GALNT13: variants seen among roughly 807,000 people sequenced by gnomAD.
GALNT13 encodes UDP-GalNAc:polypeptide N-acetylgalactosaminyltransferase 13.
In GALNT13, 28 loss-of-function variants were observed where a neutral mutation model predicts 64.2. That is an observed-to-expected ratio of 0.44 (90% CI 0.32 to 0.60). The LOEUF (loss-of-function observed/expected upper bound fraction) is 0.60, where lower values mean the gene tolerates loss of function less well. Ranked by LOEUF, GALNT13 falls within the 20% of genes least tolerant of loss-of-function variation. GALNT13 has a pLI of 0.05. For missense variants in GALNT13, 577 were observed against 669.8 expected, an observed-to-expected ratio of 0.86 and a Z score of 1.53; for synonymous variants, 214 against 224.6, an observed-to-expected ratio of 0.95 and a Z score of 0.42.
intron 2 of GALNT13, among the ~76,000 whole-genome samples, chr2:153,935,141 T>C (rs1291457785): frequency 2.0e-5 from 3 of 152,220 alleles, no homozygotes; most frequent in Non-Finnish European, 4.4e-5. Flanking sequence ...GGTCCGGGAC[T>C]CAGTCACTGT....
the GALNT13 span, among the ~76,000 whole-genome samples, chr2:153,646,725 G>A: frequency 1.1e-4 from 17 of 151,622 alleles, no homozygotes; most frequent in Admixed American, 3.9e-4. Flanking sequence ...TGGTTTTTTC[G>A]TCCTTGCGAT....
chr2:154,111,421 C>T (rs556417709), intron 3 of GALNT13, among the ~76,000 whole-genome samples: 7 of 152,230 alleles, frequency 4.6e-5, no homozygotes, highest in South Asian at 4.1e-4. Flanking sequence ...CTTGATAGTC[C>T]GGGTCAATCA....
intron 4 of GALNT13, among the ~76,000 whole-genome samples, chr2:154,208,057 TGTTATCAATTTTTCATAA>T (rs1442408773): frequency 1.3e-5 from 2 of 152,182 alleles, no homozygotes; most frequent in Non-Finnish European, 2.9e-5. Context: ...CTAAGAAGGA[TGTTATCAATTTTTCATAA>T]GTTCCAGTTA....
At chr2:153,100,598 T>G in the GALNT13 span, among the ~76,000 whole-genome samples, 1 of 152,328 alleles carries the variant, frequency 6.6e-6, no homozygotes, top group South Asian at 2.1e-4. Flanking sequence ...CCATGGGAAA[T>G]AAGAGTCTCT....
chr2:153,983,508 T>G (rs1262139386), intron 3 of GALNT13, among the ~76,000 whole-genome samples: 1 of 151,922 alleles, frequency 6.6e-6, no homozygotes, highest in Admixed American at 6.6e-5. Flanking sequence ...AATTTTTGGG[T>G]TGGTTGGAGT....
At chr2:153,846,236 G>A in the GALNT13 span, among the ~76,000 whole-genome samples, 3 of 152,094 alleles carry the variant, frequency 2.0e-5, no homozygotes, top group Non-Finnish European at 4.4e-5. Context: ...ACTACTTAAA[G>A]CATTAATACT....
intron 9 of GALNT13, 25 bp from the exon 10 acceptor site, chr2:154,395,962 CTGAT>C: frequency 6.4e-7 from 1 of 1,562,456 alleles, no homozygotes; most frequent in Non-Finnish European, 8.6e-7. Context: ...ATAGCACAAA[CTGAT>C]TTGTGTTTCT....
At chr2:153,267,975 T>C in the GALNT13 span, among the ~76,000 whole-genome samples, 1 of 152,224 alleles carries the variant, frequency 6.6e-6, no homozygotes, top group Admixed American at 6.5e-5. Flanking sequence ...GTGGGGATTA[T>C]TACAATTCAA....
At chr2:153,986,062 C>T (rs528240074) in intron 3 of GALNT13, among the ~76,000 whole-genome samples, 10 of 152,098 alleles carry the variant, frequency 6.6e-5, no homozygotes, top group Admixed American at 4.6e-4. Flanking sequence ...TGATGAGGTA[C>T]GGAAATATCG....
chr2:154,225,152 TA>T (rs759070452), intron 4 of GALNT13, among the ~76,000 whole-genome samples: 4,175 of 98,402 alleles, frequency 0.042, 90 homozygotes, highest in African/African-American at 0.075. Context: ...AGATGACAGA[TA>T]GATAGATGAT....
At chr2:153,566,590 G>T in the GALNT13 span, among the ~76,000 whole-genome samples, 3 of 152,274 alleles carry the variant, frequency 2.0e-5, no homozygotes, top group South Asian at 6.2e-4. Flanking sequence ...TCCTGACCTT[G>T]TGATCCGCCT....
At chr2:154,167,387 G>C (rs1685090641) in intron 4 of GALNT13, among the ~76,000 whole-genome samples, 1 of 151,980 alleles carries the variant, frequency 6.6e-6, no homozygotes. Flanking sequence ...ATTCTTCTAG[G>C]GTTGATAGAG....
At chr2:153,914,675 C>G (rs2105323277) in intron 2 of GALNT13, among the ~76,000 whole-genome samples, 1 of 152,104 alleles carries the variant, frequency 6.6e-6, no homozygotes, top group African/African-American at 2.4e-5. Context: ...ATCAAATTAT[C>G]TCTTTTACTT....
At chr2:153,212,384 C>G in the GALNT13 span, among the ~76,000 whole-genome samples, 24 of 152,110 alleles carry the variant, frequency 1.6e-4, no homozygotes, top group Non-Finnish European at 2.6e-4. Context: ...ACATTGTGTT[C>G]TAAAGAACAG....
intron 5 of GALNT13, 100 bp from the exon 6 acceptor site, chr2:154,242,598 C>T: frequency 1.4e-6 from 1 of 725,846 alleles, no homozygotes; most frequent in Non-Finnish European, 2.3e-6. Context: ...TAGGAATTGG[C>T]CACCATTTCT....
Position 154,254,118 on chromosome 2 carries a change from A to T in GALNT13, c.858-4903A>T, listed in dbSNP as rs1164575984. The stretch of plus-strand genomic sequence containing the variant: ...ATTTGTATTAGACTAAGAATAATCA[A>T]ATTTGAACATATAAGGGGAGTTTTC... On this transcript the variant is annotated intron_variant, in intron 7 of 12. Transcript: ENST00000392825. Among the ~76,000 whole-genome samples, 4 of 152,260 alleles carry T rather than the reference A, an allele frequency of 2.6e-5. No homozygotes were observed. In the East Asian group the frequency reaches 5.8e-4, roughly 22 times the overall value.
At chr2:153,336,005 A>C in the GALNT13 span, among the ~76,000 whole-genome samples, 36 of 152,206 alleles carry the variant, frequency 2.4e-4, no homozygotes, top group African/African-American at 8.4e-4. Flanking sequence ...GGAAGCCCCA[A>C]GCCTTGGCAT....
At chr2:153,121,053 A>C in the GALNT13 span, among the ~76,000 whole-genome samples, 2 of 152,176 alleles carry the variant, frequency 1.3e-5, no homozygotes, top group Non-Finnish European at 1.5e-5. Flanking sequence ...CCACCAAAAT[A>C]CTGGGCCTCA....
intron 9 of GALNT13, among the ~76,000 whole-genome samples, chr2:154,313,433 TATATACAC>T (rs771112568): frequency 1.9e-3 from 121 of 65,174 alleles, no homozygotes; most frequent in Non-Finnish European, 2.2e-3. Context: ...TATATATATA[TATATACAC>T]ACACACACAA....
Sources: gnomAD v4.1 joint callset for allele counts (sites outside exome capture counted in the v4.1 genomes callset) on GRCh38, gnomAD v4.1.1 for gene constraint, MANE v1.5 for transcripts, NCBI Gene and HGNC (gene_info 2026-07-23, HGNC 2026-07-21) for gene names.